Variants in ALMS1 observed in about 807,000 individuals in gnomAD.
ALMS1 encodes the protein centrosome-associated protein ALMS1.
Under a neutral mutation model 352.2 loss-of-function variants are expected in ALMS1, and 271 were observed. The ratio of observed to expected loss-of-function variants is 0.77; its 90% CI spans 0.70 to 0.85. The LOEUF (loss-of-function observed/expected upper bound fraction) is 0.85, where lower values mean the gene tolerates loss of function less well. ALMS1 is among the 40% of genes least tolerant of loss of function. The pLI, the probability that ALMS1 is intolerant of heterozygous loss-of-function variation, is 0.00. For synonymous variants in ALMS1, 1,865 were observed against 1,761.2 expected (o/e 1.06, Z -1.48); for missense variants, 5,445 against 4,870.7 (o/e 1.12, Z -3.51).
chr2:73,473,859 G>T (rs923207505), intron 9 of ALMS1, among the ~76,000 whole-genome samples: 10 of 151,778 alleles, frequency 6.6e-5, no homozygotes, highest in Middle Eastern at 3.4e-3. Context: ...TAAAGAAAAT[G>T]AACAGGGCTA....
chr2:73,510,314 C>A (rs899577545), intron 10 of ALMS1, among the ~76,000 whole-genome samples: 4 of 152,136 alleles, frequency 2.6e-5, no homozygotes, highest in African/African-American at 7.2e-5. Flanking sequence ...GAATTTTCAG[C>A]CTTTTTGCAC....
At chr2:73,485,577 C>G (rs1004677246) in intron 9 of ALMS1, among the ~76,000 whole-genome samples, 1 of 152,216 alleles carries the variant, frequency 6.6e-6, no homozygotes, top group Non-Finnish European at 1.5e-5. Context: ...GCAGGCAGGC[C>G]TCCTTGAGCT....
chr2:73,436,772 T>C (rs1671611585), intron 7 of ALMS1, among the ~76,000 whole-genome samples: 1 of 152,240 alleles, frequency 6.6e-6, no homozygotes, highest in Admixed American at 6.5e-5. Context: ...TGATGTGACT[T>C]TGCCATCATA....
Position 73,449,384 on chromosome 2 carries a change from A to C in ALMS1, c.2857A>C (p.Asn953His), listed in dbSNP as rs1671878848. 6.8e-6 allele frequency: 11 copies of C among 1,614,082 alleles called. No homozygotes were observed. Among genetic ancestry groups the C allele is most frequent in the Non-Finnish European group, 8.5e-6 (10 of 1,179,978 alleles). The change falls in exon 8 of 23, where the codon AAT (asparagine) becomes CAT (histidine). Residue 953 changes from asparagine to histidine, a missense_variant. Coordinates refer to ENST00000613296, the MANE Select transcript of ALMS1 (RefSeq NM_001378454.1). Reference protein sequence around the residue: ...QKTGTPTVSSNSHSHSEKSSV... With the variant: ...QKTGTPTVSSHSHSHSEKSSV... ...GACTGGGACACCAACAGTGTCCTCT[A>C]ATTCTCACTCACATAGCGAGAAATC... is the stretch of plus-strand genomic sequence containing the variant.
chr2:73,570,876 T>C (rs879715576), intron 15 of ALMS1, among the ~76,000 whole-genome samples: 1 of 152,178 alleles, frequency 6.6e-6, no homozygotes, highest in Non-Finnish European at 1.5e-5. Context: ...TCTTCCTGTT[T>C]GTTTGTTTAG....
In ALMS1 at chr2:73,449,114, C is replaced by T. The variant is rs771930420; in HGVS notation, c.2587C>T (p.Leu863Phe). ...CTCTACTTCCTCTGCGTCCTCTTCA[C>T]TTGGAGAAAAGCCCAGTGCTTTCTA... is the stretch of plus-strand genomic sequence containing the variant. ...VTSTSSASSS[L>F]GEKPSAFYQQ... Residue 863 changes from leucine (L) to phenylalanine (F), a missense_variant, in exon 8 of 23, where the codon CTT becomes TTT. Leu to Phe is a conservative substitution (Grantham distance 22). Coordinates refer to ENST00000613296, the MANE Select transcript of ALMS1 (RefSeq NM_001378454.1). The T allele has an allele frequency of 3.7e-6, 6 of 1,614,030 alleles. No homozygotes were observed. Among genetic ancestry groups the T allele is most frequent in the Non-Finnish European group, 5.1e-6 (6 of 1,179,978 alleles).
intron 5 of ALMS1, 34 bp from the exon 6 acceptor site, chr2:73,426,419 C>T (rs749263299): frequency 1.9e-6 from 3 of 1,604,546 alleles, no homozygotes; most frequent in Non-Finnish European, 2.6e-6. Context: ...TTTTACTATA[C>T]ATACAATTAT....
rs771852276 is a variant in ALMS1 at position 73,450,818 on chromosome 2, C to A, written c.4291C>A (p.His1431Asn). The stretch of plus-strand genomic sequence containing the variant: ...AACTTTACCCTCTACTTTCTACTCA[C>A]ACACAGAGAAGCCTGGTAGTTTCTA... ...IPTLPSTFYS[H>N]TEKPGSFYQQ... The change falls in exon 8 of 23, where the codon CAC (histidine) becomes AAC (asparagine). Residue 1431 changes from histidine (H) to asparagine (N), a missense_variant. His to Asn is a moderately conservative substitution (Grantham distance 68). Transcript: ENST00000613296. 6 of 1,614,040 alleles carry A rather than the reference C, an allele frequency of 3.7e-6. No individual in the cohort carries two copies. The highest frequency in any genetic ancestry group is 1.7e-5 in the Admixed American group (1 of 60,000).
chr2:73,452,484 G>T lies in ALMS1; in HGVS notation c.5957G>T (p.Ser1986Ile), dbSNP rs747866375. Residue 1986 changes from serine (S) to isoleucine (I), a missense_variant, in exon 8 of 23, where the codon AGT becomes ATT. Coordinates refer to ENST00000613296, the MANE Select transcript of ALMS1 (RefSeq NM_001378454.1). Reference protein sequence around the residue: ...QKTGIPIGLSSSYSHSHKEKL... With the variant: ...QKTGIPIGLSISYSHSHKEKL... ...ACTGGGATACCAATAGGACTGTCTAGTTCCTACTCACATTCACATAAAGAG... is the reference window on the plus strand; with the variant it reads ...ACTGGGATACCAATAGGACTGTCTATTTCCTACTCACATTCACATAAAGAG... The T allele has an allele frequency of 1.2e-6, 2 of 1,614,042 alleles. No individual in the cohort carries two copies. The highest frequency in any genetic ancestry group is 8.5e-7 in the Non-Finnish European group (1 of 1,179,988).
chr2:73,483,729 AG>A (rs1438970154), intron 9 of ALMS1, among the ~76,000 whole-genome samples: 3 of 149,634 alleles, frequency 2.0e-5, no homozygotes, highest in Non-Finnish European at 4.4e-5. Context: ...TAGGTCACTC[AG>A]GACTTGCTTT....
chr2:73,413,867 A>G (rs1380005160), intron 2 of ALMS1, among the ~76,000 whole-genome samples: 2 of 152,102 alleles, frequency 1.3e-5, no homozygotes, highest in African/African-American at 2.4e-5. Context: ...ATGTGGGTCT[A>G]TTTCTGCACA....
rs781076048 is a variant in ALMS1 at position 73,451,162 on chromosome 2, A to G, written c.4635A>G (p.Glu1545=). 6.2e-7 allele frequency: 1 copy of G among 1,614,022 alleles called. No homozygotes were observed. Among genetic ancestry groups the G allele is most frequent in the East Asian group, 2.2e-5 (1 of 44,872 alleles). The change falls in exon 8 of 23, where the codon GAA becomes GAG. Residue 1545 remains glutamate, a synonymous_variant. Transcript: ENST00000613296. ...CATTGCTAGGTAGTCAAATACCTGA[A>G]GAGGCTCTCAGAGTTTCTTCTGCTC... ...QLALLGSQIP[E]EALRVSSAPG...
Position 73,455,398 on chromosome 2 carries a change from C to T in ALMS1, c.7674+103C>T, listed in dbSNP as rs1478682404. On this transcript the variant is annotated intron_variant, in intron 9 of 22. Coordinates refer to ENST00000613296, the MANE Select transcript of ALMS1 (RefSeq NM_001378454.1). Reference sequence around the variant, plus strand: ...CAGTTGAGTTGCTGATAATATTTGGCTAAAGCCTTTTTTGGTTTTGTTTTT... The same window carrying T: ...CAGTTGAGTTGCTGATAATATTTGGTTAAAGCCTTTTTTGGTTTTGTTTTT... 2.0e-6 allele frequency: 3 copies of T among 1,490,326 alleles called. No homozygotes were observed. The African/African-American group carries it at 4.2e-5, about 21-fold the overall frequency. The allele number at this position is 1,490,326 out of a possible 1,614,324, so 92.3% of individuals were successfully genotyped here. A position where few individuals can be genotyped will look rare whatever the true frequency, so the allele number is the denominator to read the frequency against.
At chr2:73,609,475 T>C in intron 22 of ALMS1, 93 bp from the exon 23 acceptor site, 1 of 1,176,308 alleles carries the variant, frequency 8.5e-7, no homozygotes, top group East Asian at 2.3e-5. Context: ...ACCACACTGA[T>C]TCTCCTTGGT....
Position 73,461,458 on chromosome 2 carries a change from G to A in ALMS1, c.7674+6163G>A, listed in dbSNP as rs566051344. ...ATCCACACCAAAAACCCATCTGTACGTCACCATCATCAAAGACCAAAGGTA... is the reference window on the plus strand; with the variant it reads ...ATCCACACCAAAAACCCATCTGTACATCACCATCATCAAAGACCAAAGGTA... On this transcript the variant is annotated intron_variant, in intron 9 of 22. Transcript: ENST00000613296. Among the ~76,000 whole-genome samples, 90 of 152,274 alleles carry A rather than the reference G, an allele frequency of 5.9e-4. 1 individual carries two copies. The East Asian group carries it at 0.011, about 19-fold the overall frequency.
chr2:73,478,130 A>G (rs778167340), intron 9 of ALMS1, among the ~76,000 whole-genome samples: 55 of 152,278 alleles, frequency 3.6e-4, no homozygotes, highest in Non-Finnish European at 3.5e-4. Flanking sequence ...CTGGTTAAAG[A>G]AATCCCTTCC....
At position 73,386,088 on chromosome 2, in the gene ALMS1, G is replaced by C; in HGVS notation, c.220G>C (p.Glu74Gln). The change falls in exon 1 of 23, where the codon GAG (glutamate) becomes CAG (glutamine). Residue 74 changes from glutamate to glutamine, a missense_variant. Transcript: ENST00000613296. ...GGAAAGTATAGACGACGAGGAGGACGAGGAGGCCAAGGCCTGGCTGCAGGC... is the reference window on the plus strand; with the variant it reads ...GGAAAGTATAGACGACGAGGAGGACCAGGAGGCCAAGGCCTGGCTGCAGGC... ...HLESIDDEED[E>Q]EAKAWLQAHP... 1.3e-6 allele frequency: 2 copies of C among 1,596,508 alleles called. No individual in the cohort carries two copies. Among genetic ancestry groups the C allele is most frequent in the Non-Finnish European group, 1.7e-6 (2 of 1,172,044 alleles).
intron 9 of ALMS1, among the ~76,000 whole-genome samples, chr2:73,487,118 C>A (rs1451553519): frequency 6.6e-6 from 1 of 152,188 alleles, no homozygotes; most frequent in African/African-American, 2.4e-5. Context: ...AAGCTGGAAA[C>A]CACTGTGGCC....
chr2:73,590,915 G>T (rs1675419953), intron 16 of ALMS1, among the ~76,000 whole-genome samples: 1 of 151,888 alleles, frequency 6.6e-6, no homozygotes, highest in Non-Finnish European at 1.5e-5. Context: ...TCCTGACCTT[G>T]TGATCTGCCC....
Sources: gnomAD v4.1 joint callset for allele counts (sites outside exome capture counted in the v4.1 genomes callset) on GRCh38, gnomAD v4.1.1 for gene constraint, MANE v1.5 for transcripts, NCBI Gene and HGNC (gene_info 2026-07-23, HGNC 2026-07-21) for gene names.